Variants in NRXN1 observed in about 807,000 individuals in gnomAD.
The protein encoded by NRXN1 is neurexin 1.
Under a neutral mutation model 150.9 loss-of-function variants are expected in NRXN1, and 39 were observed. That is an observed-to-expected ratio of 0.26 (90% CI 0.20 to 0.34). The LOEUF (loss-of-function observed/expected upper bound fraction) is 0.34, where lower values mean the gene tolerates loss of function less well. Among genes scored for constraint, NRXN1 ranks in the 10% least tolerant of loss-of-function variants. The pLI is 1.00. For synonymous variants in NRXN1, 924 were observed against 757.0 expected, an observed-to-expected ratio of 1.22 and a Z score of -3.62; for missense variants, 1,815 against 1,949.9, an observed-to-expected ratio of 0.93 and a Z score of 1.30.
intron 5 of NRXN1, chr2:50,918,337 A>G (rs144369359): frequency 3.4e-4 from 85 of 251,072 alleles, no homozygotes; most frequent in Non-Finnish European, 5.6e-4. Flanking sequence ...TCAAGATACA[A>G]TAAGAAAAAT....
chr2:50,402,995 G>A (rs1572843497), intron 17 of NRXN1, among the ~76,000 whole-genome samples: 1 of 152,030 alleles, frequency 6.6e-6, no homozygotes, highest in Admixed American at 6.6e-5. Context: ...GTAAGGGTGC[G>A]GATTGGGGGA....
rs533013839 is a variant in NRXN1, at chr2:49,919,671, A to C, written c.*2273T>G. ...GACGGGGGAAAAGAAAAGACTCGTG[A>C]ATTATTTAATGTGGCAAATTAAAAA... On this transcript the variant is annotated 3_prime_UTR_variant, in exon 23 of 23. Coordinates refer to ENST00000401669, the MANE Select transcript of NRXN1 (RefSeq NM_001330078.2). 6.6e-6 allele frequency: 1 copy of C among 152,210 alleles called. No homozygotes were observed. The highest frequency in any genetic ancestry group is 6.5e-5 in the Admixed American group (1 of 15,284). 9.4% of individuals were successfully genotyped at this position (152,210 alleles called of 1,614,324 possible). A position where few individuals can be genotyped will look rare whatever the true frequency, so the allele number is the denominator to read the frequency against.
At chr2:50,114,983 G>C (rs1266078058) in intron 18 of NRXN1, among the ~76,000 whole-genome samples, 1 of 151,784 alleles carries the variant, frequency 6.6e-6, no homozygotes, top group East Asian at 1.9e-4. Context: ...TGAACACCAG[G>C]AGTAAACCCT....
chr2:50,935,721 T>C (rs769584339), intron 2 of NRXN1, among the ~76,000 whole-genome samples: 19 of 150,720 alleles, frequency 1.3e-4, no homozygotes, highest in Non-Finnish European at 2.5e-4. Flanking sequence ...GGCAAGACTG[T>C]CTCAAAAACA....
intron 5 of NRXN1, among the ~76,000 whole-genome samples, chr2:50,670,403 C>T (rs539508431): frequency 3.8e-3 from 364 of 96,334 alleles, no homozygotes; most frequent in Admixed American, 7.4e-3. Context: ...TTTATTGTAA[C>T]GTAAACAATA....
At position 50,791,947 on chromosome 2, in the gene NRXN1, T is replaced by C. The variant is rs112148948; in HGVS notation, c.832+129922A>G. 1.9e-3 allele frequency among the ~76,000 whole-genome samples: 288 copies of C among 152,256 alleles called. 4 individuals carry two copies. Among genetic ancestry groups the C allele is most frequent in the African/African-American group, 6.7e-3 (279 of 41,562 alleles). ...GTTTCCATTCTACATGGGCTTAAAG[T>C]ATGCTTTAGAAACATACATCACAAC... is the stretch of plus-strand genomic sequence containing the variant. On this transcript the variant is annotated intron_variant, in intron 5 of 22. Transcript: ENST00000401669.
intron 17 of NRXN1, among the ~76,000 whole-genome samples, chr2:50,437,086 C>T (rs1251172713): frequency 6.6e-6 from 1 of 152,184 alleles, no homozygotes; most frequent in African/African-American, 2.4e-5. Flanking sequence ...GGAAACCACA[C>T]AAGCACACCT....
chr2:50,071,459 G>A (rs940539785), intron 19 of NRXN1, among the ~76,000 whole-genome samples: 16 of 152,164 alleles, frequency 1.1e-4, no homozygotes, highest in African/African-American at 3.9e-4. Flanking sequence ...AATCTGACTG[G>A]TGTCCTTATA....
Position 50,552,672 on chromosome 2 carries a change from T to C in NRXN1, c.1674A>G (p.Ser558=). 1 of 1,613,944 alleles carries C rather than the reference T, an allele frequency of 6.2e-7. No homozygotes were observed. The highest frequency in any genetic ancestry group is 8.5e-7 in the Non-Finnish European group (1 of 1,179,812). ...GHLYLLLDMG[S]GTIKIKALLK... ...ACAGGGCTTTTATTTTTATAGTACC[T>C]GACCCCATGTCCAGGAGGAGGTAGA... The change falls in exon 9 of 23, where the codon TCA becomes TCG. Residue 558 remains serine (S), a synonymous_variant. Transcript: ENST00000401669.
In NRXN1 at chr2:50,770,431, C is replaced by T. The variant is rs957534361; in HGVS notation, c.833-146816G>A. On this transcript the variant is annotated intron_variant, in intron 5 of 22. Transcript: ENST00000401669. ...GAATTCTGGCTCCATTAAAAGTTTT[C>T]GTTGTTGTTGTTAATGATCTACTTA... Among the ~76,000 whole-genome samples, 11 of 151,848 alleles carry T rather than the reference C, an allele frequency of 7.2e-5. No homozygotes were observed. The South Asian group carries it at 1.0e-3, about 14-fold the overall frequency.
chr2:50,805,716 G>A (rs905890481), intron 5 of NRXN1, among the ~76,000 whole-genome samples: 4 of 152,060 alleles, frequency 2.6e-5, no homozygotes, highest in Non-Finnish European at 4.4e-5. Flanking sequence ...AATAGTGTTC[G>A]ATGCATTATT....
chr2:50,932,381 G>A (rs1486531742), intron 2 of NRXN1, among the ~76,000 whole-genome samples: 1 of 151,982 alleles, frequency 6.6e-6, no homozygotes, highest in Non-Finnish European at 1.5e-5. Flanking sequence ...GTTTATGTGA[G>A]TCCCTATGTA....
chr2:50,261,213 G>A (rs948470960), intron 17 of NRXN1, among the ~76,000 whole-genome samples: 2 of 151,712 alleles, frequency 1.3e-5, no homozygotes, highest in Non-Finnish European at 3.0e-5. Context: ...CCATAGATTG[G>A]GAGGGAAGTA....
In NRXN1 at chr2:50,583,438, C is replaced by T. The variant is rs368109761; in HGVS notation, c.1321-30413G>A. ...CTAAAATCCTCCTCTGGGATTCTTA[C>T]AGCACCAAGGGTGTACTCCTATCAT... is the stretch of plus-strand genomic sequence containing the variant. On this transcript the variant is annotated intron_variant, in intron 8 of 22. Transcript: ENST00000401669. Among the ~76,000 whole-genome samples, 67 of 152,320 alleles carry T rather than the reference C, an allele frequency of 4.4e-4. 1 individual carries two copies. The South Asian group carries it at 0.012, about 27-fold the overall frequency.
At chr2:49,977,894 G>T (rs757314623) in intron 21 of NRXN1, among the ~76,000 whole-genome samples, 1 of 152,094 alleles carries the variant, frequency 6.6e-6, no homozygotes, top group Non-Finnish European at 1.5e-5. Flanking sequence ...GTAGCGGGGC[G>T]GTGGCTCACC....
intron 8 of NRXN1, among the ~76,000 whole-genome samples, chr2:50,576,320 T>C (rs935756749): frequency 6.6e-6 from 1 of 152,184 alleles, no homozygotes; most frequent in Non-Finnish European, 1.5e-5. Flanking sequence ...TTTCCTGGTA[T>C]ATTTCCTCCT....
intron 9 of NRXN1, among the ~76,000 whole-genome samples, chr2:50,540,909 A>G (rs1014470827): frequency 3.3e-5 from 5 of 152,076 alleles, no homozygotes; most frequent in African/African-American, 1.2e-4. Context: ...TGATCCACCC[A>G]CCTTGGCCTC....
At chr2:50,593,502 G>A (rs1330750220) in intron 8 of NRXN1, among the ~76,000 whole-genome samples, 2 of 152,148 alleles carry the variant, frequency 1.3e-5, no homozygotes, top group Admixed American at 1.3e-4. Flanking sequence ...AATTTTAAAA[G>A]CCATCAAATA....
chr2:50,404,775 A>AG (rs1271114660), intron 17 of NRXN1, among the ~76,000 whole-genome samples: 2 of 152,072 alleles, frequency 1.3e-5, no homozygotes, highest in African/African-American at 4.8e-5. Context: ...AAAGGCCTGG[A>AG]GGGGGATCTT....
Sources: gnomAD v4.1 joint callset for allele counts (sites outside exome capture counted in the v4.1 genomes callset) on GRCh38, gnomAD v4.1.1 for gene constraint, MANE v1.5 for transcripts, NCBI Gene and HGNC (gene_info 2026-07-23, HGNC 2026-07-21) for gene names.